The following IFNL1 variants were observed in gnomAD, a reference collection of about 807,000 sequenced individuals.
IFNL1 encodes interferon lambda-1.
In IFNL1, 16 loss-of-function variants were observed where a neutral mutation model predicts 17.1. The ratio of observed to expected loss-of-function variants is 0.93; its 90% CI spans 0.63 to 1.42. The LOEUF (loss-of-function observed/expected upper bound fraction) is 1.42. IFNL1 is among the 40% of genes most tolerant of loss of function. IFNL1 has a pLI of 0.00. For missense variants in IFNL1, 262 were observed against 249.4 expected (o/e 1.05, Z -0.34); for synonymous variants, 104 against 111.4 (o/e 0.93, Z 0.42).
intron 2 of IFNL1, among the ~76,000 whole-genome samples, chr19:39,297,293 C>G (rs913833429): frequency 6.6e-6 from 1 of 150,928 alleles, no homozygotes. Context: ...TCATGCTCCC[C>G]CCTCATCCAC....
chr19:39,297,807 C>T (rs1162295437), intron 2 of IFNL1, among the ~76,000 whole-genome samples, 157 bp from the exon 3 acceptor site: 2 of 151,910 alleles, frequency 1.3e-5, no homozygotes, highest in East Asian at 1.9e-4. Context: ...TATCCTTCCT[C>T]ATGTCTTCCC....
rs757520314 is a variant in IFNL1, at chr19:39,298,375, C to A, written c.478-16C>A. On this transcript the variant is annotated splice_polypyrimidine_tract_variant and intron_variant, in intron 4 of 4. Transcript: ENST00000333625. ...GACCCTGGACAGCCCCTGACCCATCCCCTCCTCCCCTACAGGAGTCCGCTG... is the reference window on the plus strand; with the variant it reads ...GACCCTGGACAGCCCCTGACCCATCACCTCCTCCCCTACAGGAGTCCGCTG... 35 of 1,614,058 alleles carry A rather than the reference C, an allele frequency of 2.2e-5. 1 individual carries two copies. The Admixed American group carries it at 3.7e-4, about 17-fold the overall frequency.
At chr19:39,297,659 C>G (rs1264045738) in intron 2 of IFNL1, among the ~76,000 whole-genome samples, 3 of 152,048 alleles carry the variant, frequency 2.0e-5, no homozygotes, top group Admixed American at 2.0e-4. Flanking sequence ...CCCTCTCTTA[C>G]TGTGCCCCCA....
In IFNL1 at chr19:39,298,569, C is replaced by T; in HGVS notation, c.*53C>T. ...CCCTACTCCTTCCTTAATTTATTTC[C>T]TCTCACCCTTTATTTATGAAGCTGC... On this transcript the variant is annotated 3_prime_UTR_variant, in exon 5 of 5. Coordinates refer to ENST00000333625, the MANE Select transcript of IFNL1 (RefSeq NM_172140.2). 6.3e-7 allele frequency: 1 copy of T among 1,599,842 alleles called. No homozygotes were observed. The highest frequency in any genetic ancestry group is 8.5e-7 in the Non-Finnish European group (1 of 1,169,920).
rs772059527 is a variant in IFNL1, at chr19:39,296,500, C to G, written c.79C>G (p.Pro27Ala). 1.2e-6 allele frequency: 2 copies of G among 1,613,548 alleles called. No homozygotes were observed. ...GGCAGGCCCTGTCCCCACTTCCAAG[C>G]CCACCACAACTGGGAAGGGCTGCCA... ...AVAGPVPTSK[P>A]TTTGKGCHIG... The change falls in exon 1 of 5, where the codon CCC becomes GCC. Residue 27 changes from proline (P) to alanine (A), a missense_variant. Physicochemically the swap from Pro to Ala is conservative, Grantham distance 27. Coordinates refer to ENST00000333625, the MANE Select transcript of IFNL1 (RefSeq NM_172140.2).
chr19:39,298,421 A>G lies in IFNL1; in HGVS notation c.508A>G (p.Thr170Ala). The change falls in exon 5 of 5, where the codon ACC becomes GCC. Residue 170 changes from threonine to alanine, a missense_variant. Coordinates refer to ENST00000333625, the MANE Select transcript of IFNL1 (RefSeq NM_172140.2). ...CGCTGGCTGCCTGGAGGCATCTGTCACCTTCAACCTCTTCCGCCTCCTCAC... is the reference window on the plus strand; with the variant it reads ...CGCTGGCTGCCTGGAGGCATCTGTCGCCTTCAACCTCTTCCGCCTCCTCAC... ...ESAGCLEASV[T>A]FNLFRLLTRD... 6.2e-7 allele frequency: 1 copy of G among 1,614,070 alleles called. No homozygotes were observed. The highest frequency in any genetic ancestry group is 2.2e-5 in the East Asian group (1 of 44,880).
chr19:39,296,932 C>A (rs192249060), intron 2 of IFNL1, 50 bp downstream of exon 2: 11 of 1,432,072 alleles, frequency 7.7e-6, no homozygotes, highest in Admixed American at 1.7e-5. Flanking sequence ...CCTCTCCCCC[C>A]TCTTCTTAAG....
Position 39,298,295 on chromosome 19 carries a change from A to T in IFNL1, c.476A>T (p.Lys159Met), listed in dbSNP as rs779495745. 1.7e-5 allele frequency: 27 copies of T among 1,613,980 alleles called. No individual in the cohort carries two copies. Among genetic ancestry groups the T allele is most frequent in the Non-Finnish European group, 2.2e-5 (26 of 1,180,004 alleles). Residue 159 changes from lysine to methionine, a missense_variant and splice_region_variant, in exon 4 of 5, where the codon AAG (lysine) becomes ATG (methionine). Physicochemically the swap from Lys to Met is moderately conservative, Grantham distance 95 (BLOSUM62 -1). Coordinates refer to ENST00000333625, the MANE Select transcript of IFNL1 (RefSeq NM_172140.2). ...WLHRLQEAPK[K>M]ESAGCLEASV... Reference sequence around the variant, plus strand: ...CACCGGCTCCAGGAGGCCCCCAAAAAGGTGAGTGACCCAGGAAGAGAAGGA... The same window carrying T: ...CACCGGCTCCAGGAGGCCCCCAAAATGGTGAGTGACCCAGGAAGAGAAGGA...
rs1368824250 is a variant in IFNL1, at chr19:39,298,079, A to G, written c.365A>G (p.His122Arg). 1.3e-5 allele frequency: 21 copies of G among 1,613,878 alleles called. No individual in the cohort carries two copies. Among genetic ancestry groups the G allele is most frequent in the Admixed American group, 1.7e-5 (1 of 59,994 alleles). Reference protein sequence around the residue: ...DVLDQPLHTLHHILSQLQACI... With the variant: ...DVLDQPLHTLRHILSQLQACI... ...CTAGACCAGCCCCTTCACACCCTGC[A>G]CCACATCCTCTCCCAGCTCCAGGCC... The change falls in exon 3 of 5, where the codon CAC (histidine) becomes CGC (arginine). Residue 122 changes from histidine to arginine, a missense_variant. Coordinates refer to ENST00000333625, the MANE Select transcript of IFNL1 (RefSeq NM_172140.2).
At chr19:39,296,628 G>A (rs748206288) in intron 1 of IFNL1, 36 bp downstream of exon 1, 7 of 1,587,270 alleles carry the variant, frequency 4.4e-6, no homozygotes, top group Middle Eastern at 3.4e-4. Context: ...CCACTTCTAC[G>A]GGTGTCCCAA....
In IFNL1 at chr19:39,296,847, G is replaced by C; in HGVS notation, c.214G>C (p.Val72Leu). 4 of 1,614,138 alleles carry C rather than the reference G, an allele frequency of 2.5e-6. No individual in the cohort carries two copies. Among genetic ancestry groups the C allele is most frequent in the Middle Eastern group, 3.3e-4 (2 of 6,062 alleles). The part of the protein sequence containing the change: ...KLKNWSCSSP[V>L]FPGNWDLRLL... ...GAAAAACTGGAGTTGCAGCTCTCCT[G>C]TCTTCCCCGGGAATTGGGACCTGAG... The change falls in exon 2 of 5, where the codon GTC (valine) becomes CTC (leucine). Residue 72 changes from valine (V) to leucine (L), a missense_variant. By Grantham distance (32) the Val-to-Leu change is conservative. Coordinates refer to ENST00000333625, the MANE Select transcript of IFNL1 (RefSeq NM_172140.2).
At chr19:39,296,728 G>C in intron 1 of IFNL1, 77 bp from the exon 2 acceptor site, 5 of 1,514,156 alleles carry the variant, frequency 3.3e-6, no homozygotes, top group Non-Finnish European at 4.6e-6. Context: ...CATGCTGTCA[G>C]GCCAACTTCA....
chr19:39,297,010 C>T, intron 2 of IFNL1, 128 bp downstream of exon 2: 1 of 669,594 alleles, frequency 1.5e-6, no homozygotes, highest in Non-Finnish European at 2.6e-6. Context: ...CTGTCCTGTG[C>T]CCCTGCCACT....
chr19:39,297,501 C>T (rs1600476310), intron 2 of IFNL1, among the ~76,000 whole-genome samples: 1 of 151,722 alleles, frequency 6.6e-6, no homozygotes, highest in Non-Finnish European at 1.5e-5. Context: ...GTATTTTTAG[C>T]AGAGACGGGG....
At chr19:39,298,142 G>A (rs1388523153) in intron 3 of IFNL1, 35 bp downstream of exon 3, 2 of 1,612,362 alleles carry the variant, frequency 1.2e-6, no homozygotes, top group Non-Finnish European at 1.7e-6. Flanking sequence ...CAGGTCTGTG[G>A]GCTCTGAGCA....
At position 39,297,388 on chromosome 19, in the gene IFNL1, G is replaced by A. The variant is rs1485005338; in HGVS notation, c.249+506G>A. On this transcript the variant is annotated intron_variant, in intron 2 of 4. Transcript: ENST00000333625. The stretch of plus-strand genomic sequence containing the variant: ...GGCTGGAGTGCAGTGGCATGATCTC[G>A]GTTCACTGCAACCTCTGCCTCCCGG... 9.9e-5 allele frequency among the ~76,000 whole-genome samples: 14 copies of A among 141,190 alleles called. No individual in the cohort carries two copies. In the Admixed American group the frequency reaches 1.0e-3, roughly 10 times the overall value. 92.6% of individuals were successfully genotyped at this position (141,190 alleles called of 152,430 possible).
chr19:39,297,881 T>C lies in IFNL1; in HGVS notation c.250-83T>C, dbSNP rs1403949006. The C allele has an allele frequency of 2.6e-6, 4 of 1,552,540 alleles. No individual in the cohort carries two copies. In the African/African-American group the frequency reaches 5.4e-5, roughly 21 times the overall value. ...CACCACATGCACTGTGTCACCGACC[T>C]TCCCCAGGACTGCCTACCTGTCCCC... On this transcript the variant is annotated intron_variant, in intron 2 of 4. Coordinates refer to ENST00000333625, the MANE Select transcript of IFNL1 (RefSeq NM_172140.2).
chr19:39,297,517 C>T (rs1164203724), intron 2 of IFNL1, among the ~76,000 whole-genome samples: 1 of 151,998 alleles, frequency 6.6e-6, no homozygotes, highest in Admixed American at 6.6e-5. Flanking sequence ...CGGGGTTTCA[C>T]TATGTTGGCC....
At chr19:39,297,287 G>C (rs1360306309) in intron 2 of IFNL1, among the ~76,000 whole-genome samples, 1 of 142,670 alleles carries the variant, frequency 7.0e-6, no homozygotes, top group Non-Finnish European at 1.5e-5. Flanking sequence ...TCCAGCTCAT[G>C]CTCCCCCCTC....
Sources: allele counts gnomAD v4.1 joint callset (sites outside exome capture counted in the v4.1 genomes callset), GRCh38; gene constraint gnomAD v4.1.1; transcripts MANE v1.5; gene names NCBI Gene and HGNC (gene_info 2026-07-23, HGNC 2026-07-21).